Variants in WDPCP observed in about 807,000 individuals in gnomAD.
WDPCP encodes the protein WD repeat containing planar cell polarity effector.
Under a neutral mutation model 93.1 loss-of-function variants are expected in WDPCP, and 71 were observed. The observed-to-expected ratio is 0.76, with a 90% CI of 0.63 to 0.93. The LOEUF is 0.93. Among genes scored for constraint, WDPCP ranks in the 40% least tolerant of loss-of-function variants. The pLI is 0.00. For missense variants in WDPCP, 844 were observed against 887.4 expected (o/e 0.95, Z 0.62); for synonymous variants, 315 against 315.0 (o/e 1.00, Z 0.00).
At position 63,229,091 on chromosome 2, in the gene WDPCP, CAT is replaced by C. The variant is rs977554611; in HGVS notation, c.1915+30214_1915+30215del. Reference sequence around the variant, plus strand: ...CTATTTCTCCACATCCTCTCCAGCACATGTTGTTTGCTGACTTTTTAATGATC... The same window carrying C: ...CTATTTCTCCACATCCTCTCCAGCACGTTGTTTGCTGACTTTTTAATGATC... On this transcript the variant is annotated intron_variant, in intron 14 of 17. Coordinates refer to ENST00000272321, the MANE Select transcript of WDPCP (RefSeq NM_015910.7). 1.1e-4 allele frequency: 16 copies of C among 152,124 alleles called. 1 individual carries two copies. Among genetic ancestry groups the C allele is most frequent in the Admixed American group, 9.8e-4 (15 of 15,260 alleles). The allele number at this position is 152,124 out of a possible 1,614,324, so 9.4% of individuals were successfully genotyped here. A position where few individuals can be genotyped will look rare whatever the true frequency, so the allele number is the denominator to read the frequency against.
intron 12 of WDPCP, among the ~76,000 whole-genome samples, chr2:63,354,640 C>T (rs558712167): frequency 2.8e-4 from 42 of 151,888 alleles, no homozygotes; most frequent in Non-Finnish European, 5.3e-4. Flanking sequence ...ACCCACACCC[C>T]CACACACATA....
intron 12 of WDPCP, among the ~76,000 whole-genome samples, chr2:63,337,191 C>T (rs1688443948): frequency 6.6e-6 from 1 of 152,154 alleles, no homozygotes; most frequent in African/African-American, 2.4e-5. Context: ...TGCGCACGGC[C>T]CATGAGAGTC....
At chr2:63,570,540 G>T (rs1251323046) in intron 1 of WDPCP, among the ~76,000 whole-genome samples, 1 of 152,182 alleles carries the variant, frequency 6.6e-6, no homozygotes, top group East Asian at 1.9e-4. Context: ...AAGGGATGAT[G>T]AACTTGGGAT....
chr2:63,663,058 G>T (rs1412036654), intron 2 of WDPCP, among the ~76,000 whole-genome samples: 2 of 152,302 alleles, frequency 1.3e-5, no homozygotes, highest in East Asian at 3.9e-4. Flanking sequence ...TGTCATACCT[G>T]CTTCCATTTG....
intron 17 of WDPCP, among the ~76,000 whole-genome samples, chr2:63,132,879 A>G (rs1334578486): frequency 6.6e-6 from 1 of 152,100 alleles, no homozygotes; most frequent in Non-Finnish European, 1.5e-5. Context: ...ATTTATTATT[A>G]TTATTGAATG....
chr2:63,645,579 C>G (rs767865419), intron 3 of WDPCP, among the ~76,000 whole-genome samples: 5 of 152,182 alleles, frequency 3.3e-5, no homozygotes, highest in Non-Finnish European at 5.9e-5. Flanking sequence ...TCTGGAAGAT[C>G]TGTCCAATGT....
chr2:63,322,767 C>T (rs575795748), intron 12 of WDPCP, among the ~76,000 whole-genome samples: 12 of 152,196 alleles, frequency 7.9e-5, no homozygotes, highest in African/African-American at 1.2e-4. Flanking sequence ...CACATTTTGG[C>T]GACCCAGATG....
At chr2:63,448,420 T>G (rs1698005183) in intron 6 of WDPCP, among the ~76,000 whole-genome samples, 1 of 138,916 alleles carries the variant, frequency 7.2e-6, no homozygotes, top group Non-Finnish European at 1.5e-5. Context: ...GCTACCTGAG[T>G]TAATTAAAAA....
chr2:63,481,224 C>A (rs911902944), intron 6 of WDPCP, among the ~76,000 whole-genome samples: 8 of 151,682 alleles, frequency 5.3e-5, no homozygotes, highest in Middle Eastern at 6.8e-3. Context: ...TGGCCATAAT[C>A]AAAAAATAAA....
intron 2 of WDPCP, among the ~76,000 whole-genome samples, chr2:63,689,656 C>A (rs1429193145): frequency 6.6e-6 from 1 of 152,202 alleles, no homozygotes; most frequent in East Asian, 1.9e-4. Flanking sequence ...AGCATCATTG[C>A]TTCTGATGCC....
At chr2:63,416,672 C>T (rs1180849223) in intron 9 of WDPCP, among the ~76,000 whole-genome samples, 3 of 152,050 alleles carry the variant, frequency 2.0e-5, no homozygotes, top group East Asian at 1.9e-4. Context: ...TACAGGTCCC[C>T]GCCACCACGT....
intron 13 of WDPCP, among the ~76,000 whole-genome samples, chr2:63,282,291 G>T (rs1232328063): frequency 6.6e-6 from 1 of 152,198 alleles, no homozygotes; most frequent in Admixed American, 6.5e-5. Context: ...TGGATCATGA[G>T]GTTAGGAGTT....
intron 6 of WDPCP, among the ~76,000 whole-genome samples, chr2:63,462,999 C>A (rs1380021694): frequency 6.6e-6 from 1 of 151,878 alleles, no homozygotes; most frequent in African/African-American, 2.4e-5. Flanking sequence ...CTAGGAGGAA[C>A]CATGGAAGCT....
intron 17 of WDPCP, among the ~76,000 whole-genome samples, chr2:63,134,526 G>C (rs1246703512): frequency 6.6e-6 from 1 of 152,164 alleles, no homozygotes; most frequent in Non-Finnish European, 1.5e-5. Context: ...TTCATAGAAT[G>C]CTGTGTTTTC....
At chr2:63,127,878 G>A (rs376094782) in intron 17 of WDPCP, among the ~76,000 whole-genome samples, 13 of 152,004 alleles carry the variant, frequency 8.6e-5, no homozygotes, top group African/African-American at 2.2e-4. Context: ...GGTGGCTCAC[G>A]ACTGTAATCC....
chr2:63,442,281 T>C (rs143985826), intron 6 of WDPCP: 1 of 152,176 alleles, frequency 6.6e-6, no homozygotes, highest in Non-Finnish European at 1.5e-5. Flanking sequence ...AAAATAAACA[T>C]GATAGTATCT....
At chr2:63,211,359 T>A (rs535964828) in intron 14 of WDPCP, among the ~76,000 whole-genome samples, 65 of 152,096 alleles carry the variant, frequency 4.3e-4, no homozygotes, top group Non-Finnish European at 3.5e-4. Flanking sequence ...GGGTCTGGAG[T>A]GGACCTCCAG....
At chr2:63,621,862 C>CCAATATT (rs1709740807) in intron 3 of WDPCP, among the ~76,000 whole-genome samples, 1 of 136,118 alleles carries the variant, frequency 7.3e-6, no homozygotes, top group Non-Finnish European at 1.5e-5. Flanking sequence ...AGGCTGGGGG[C>CCAATATT]CAATATTCAA....
intron 2 of WDPCP, among the ~76,000 whole-genome samples, chr2:63,760,875 T>G (rs1323837130): frequency 1.3e-5 from 2 of 152,152 alleles, no homozygotes; most frequent in African/African-American, 4.8e-5. Flanking sequence ...GAATCTCCAA[T>G]GCAGATGACG....
Sources: allele counts gnomAD v4.1 joint callset (sites outside exome capture counted in the v4.1 genomes callset), GRCh38; gene constraint gnomAD v4.1.1; transcripts MANE v1.5; gene names NCBI Gene and HGNC (gene_info 2026-07-23, HGNC 2026-07-21).